AFG3L2: variants seen among roughly 807,000 people sequenced by gnomAD.
AFG3L2 encodes mitochondrial inner membrane m-AAA protease component AFG3L2.
A neutral mutation model predicts 94.5 loss-of-function variants in AFG3L2; 54 were observed. That is an observed-to-expected ratio of 0.57 (90% CI 0.46 to 0.72). The LOEUF (loss-of-function observed/expected upper bound fraction) is 0.72. Ranked by LOEUF, AFG3L2 falls within the 30% of genes least tolerant of loss-of-function variation. The pLI is 0.00. For missense variants in AFG3L2, 754 were observed against 994.9 expected (o/e 0.76, Z 3.26); for synonymous variants, 377 against 365.5 (o/e 1.03, Z -0.36).
intron 16 of AFG3L2, among the ~76,000 whole-genome samples, chr18:12,333,042 TCTATTATATAATAGATTATAATCTA>T (rs1907609110): frequency 2.3e-5 from 1 of 42,736 alleles, no homozygotes; most frequent in Non-Finnish European, 5.3e-5. Flanking sequence ...AAATATATAA[TCTATTATATAATAGATTATAATCTA>T]TTATATAACT....
intron 5 of AFG3L2, among the ~76,000 whole-genome samples, chr18:12,364,354 C>T (rs111892767): frequency 4.0e-4 from 61 of 152,256 alleles, no homozygotes; most frequent in African/African-American, 1.3e-3. Flanking sequence ...AATGCTGTTA[C>T]GAACATTCCC....
chr18:12,375,429 A>T (rs922316523), intron 1 of AFG3L2, among the ~76,000 whole-genome samples: 1 of 148,872 alleles, frequency 6.7e-6, no homozygotes, highest in Non-Finnish European at 1.5e-5. Context: ...AAAAAAAAAC[A>T]ATTTGTAGAG....
chr18:12,364,041 G>C (rs1475578186), intron 5 of AFG3L2, among the ~76,000 whole-genome samples, 185 bp from the exon 6 acceptor site: 1 of 152,004 alleles, frequency 6.6e-6, no homozygotes, highest in African/African-American at 2.4e-5. Flanking sequence ...CCTCCCAAAG[G>C]GGGCTATGCT....
At chr18:12,344,101 C>G in intron 14 of AFG3L2, 31 bp downstream of exon 14, 1 of 1,580,756 alleles carries the variant, frequency 6.3e-7, no homozygotes, top group Non-Finnish European at 8.7e-7. Flanking sequence ...CACCCATGCA[C>G]TGGCTGCCTA....
intron 1 of AFG3L2, among the ~76,000 whole-genome samples, chr18:12,373,950 T>G (rs1212549026): frequency 6.6e-6 from 1 of 152,064 alleles, no homozygotes; most frequent in East Asian, 1.9e-4. Flanking sequence ...GGGAACAAAT[T>G]TCAACATGAG....
At chr18:12,354,944 G>A (rs1243340697) in intron 9 of AFG3L2, among the ~76,000 whole-genome samples, 2 of 152,162 alleles carry the variant, frequency 1.3e-5, no homozygotes, top group African/African-American at 2.4e-5. Flanking sequence ...GCCGGACAAG[G>A]TGGCTCACGC....
intron 3 of AFG3L2, among the ~76,000 whole-genome samples, chr18:12,370,327 G>A (rs778084062): frequency 6.6e-6 from 1 of 152,080 alleles, no homozygotes; most frequent in Non-Finnish European, 1.5e-5. Flanking sequence ...TACCTCTAAG[G>A]TAGCCTTAAA....
intron 14 of AFG3L2, chr18:12,341,463 AG>A (rs1282477520): frequency 6.6e-6 from 1 of 152,200 alleles, no homozygotes; most frequent in African/African-American, 2.4e-5. Context: ...AGGCAACCAC[AG>A]ACATGCCTTC....
Position 12,344,229 on chromosome 18 carries a change from T to C in AFG3L2, c.1682A>G (p.Gln561Arg), listed in dbSNP as rs1359236372. Residue 561 changes from glutamine (Q) to arginine (R), a missense_variant, in exon 14 of 17, where the codon CAG (glutamine) becomes CGG (arginine). Physicochemically the swap from Gln to Arg is conservative, Grantham distance 43. This residue lies in a region of AFG3L2 where 279 missense variants were observed against 378.6 expected (regional missense o/e 0.74). Coordinates refer to ENST00000269143, the MANE Select transcript of AFG3L2 (RefSeq NM_006796.3). The stretch of plus-strand genomic sequence containing the variant: ...CTTCTTCTCCTCAGGCTGCAGAACC[T>C]GCGTTTTCTTCTCTAAGCCTAACAA... ...RVIGGLEKKT[Q>R]VLQPEEKKTV... 5.6e-6 allele frequency: 9 copies of C among 1,614,154 alleles called. No homozygotes were observed. Among genetic ancestry groups the C allele is most frequent in the Non-Finnish European group, 6.8e-6 (8 of 1,179,984 alleles).
chr18:12,367,310 T>A lies in AFG3L2; in HGVS notation c.365A>T (p.Lys122Ile), dbSNP rs915684170. The change falls in exon 4 of 17, where the codon AAA becomes ATA. Residue 122 changes from lysine to isoleucine, a missense_variant. Physicochemically the swap from Lys to Ile is moderately radical, Grantham distance 102. This residue lies in a region of AFG3L2 where 236 missense variants were observed against 214.0 expected (regional missense o/e 1.10). Transcript: ENST00000269143. ...GGGGGKRGGK[K>I]DDSHWWSRFQ... ...CCTGGACCACCAGTGAGAATCATCT[T>A]TCTTGCCACCTCGTTTTCCACCGCC... 2.7e-5 allele frequency: 44 copies of A among 1,614,116 alleles called. No homozygotes were observed. Among genetic ancestry groups the A allele is most frequent in the Non-Finnish European group, 3.5e-5 (41 of 1,180,060 alleles).
rs768153900 is a variant in AFG3L2 at position 12,337,376 on chromosome 18, C to T, written c.2140G>A (p.Ala714Thr). The T allele has an allele frequency of 1.2e-5, 19 of 1,614,064 alleles. No homozygotes were observed. The Middle Eastern group carries it at 4.9e-4, about 42-fold the overall frequency. Residue 714 changes from alanine to threonine, a missense_variant, in exon 16 of 17, where the codon GCT becomes ACT. Physicochemically the swap from Ala to Thr is moderately conservative, Grantham distance 58. This residue lies in a region of AFG3L2 where 279 missense variants were observed against 378.6 expected (regional missense o/e 0.74). Transcript: ENST00000269143. ...LINDAYKRTV[A>T]LLTEKKADVE... ...TCAGCTTTCTTTTCTGTGAGAAGAG[C>T]TACTGTTCTTTTATAAGCATCATTA...
intron 9 of AFG3L2, among the ~76,000 whole-genome samples, chr18:12,355,228 T>C (rs1045891319): frequency 5.4e-5 from 8 of 147,922 alleles, no homozygotes; most frequent in African/African-American, 2.0e-4. Flanking sequence ...AAAAAAGAAC[T>C]CTTACAATTC....
chr18:12,334,544 C>T (rs1907682973), intron 16 of AFG3L2, among the ~76,000 whole-genome samples: 1 of 152,174 alleles, frequency 6.6e-6, no homozygotes, highest in African/African-American at 2.4e-5. Context: ...GTGTTGAGAC[C>T]AAACCGTTTA....
At chr18:12,351,463 G>T in intron 10 of AFG3L2, 50 bp from the exon 11 acceptor site, 1 of 1,497,084 alleles carries the variant, frequency 6.7e-7, no homozygotes, top group Non-Finnish European at 9.3e-7. Flanking sequence ...GAGGCAGAAA[G>T]CAACAGTGCA....
At position 12,337,482 on chromosome 18, in the gene AFG3L2, T is replaced by G; in HGVS notation, c.2034A>C (p.Pro678=). 1 of 1,614,268 alleles carries G rather than the reference T, an allele frequency of 6.2e-7. No homozygotes were observed. Among genetic ancestry groups the G allele is most frequent in the Non-Finnish European group, 8.5e-7 (1 of 1,180,034 alleles). Residue 678 remains proline (P), a synonymous_variant, in exon 16 of 17, where the codon CCA becomes CCC. Transcript: ENST00000269143. ...EKVGQISFDL[P]RQGDMVLEKP... is the part of the protein sequence containing the mutation. ...TCTCCAATACCATGTCCCCCTGACG[T>G]GGGAGGTCAAAGGAGATTTGCCCAA... is the stretch of plus-strand genomic sequence containing the variant.
intron 1 of AFG3L2, among the ~76,000 whole-genome samples, chr18:12,372,006 A>T (rs1460248871): frequency 6.6e-6 from 1 of 152,204 alleles, no homozygotes; most frequent in Non-Finnish European, 1.5e-5. Context: ...AATTTGTAGC[A>T]TTCAAAAGAC....
chr18:12,329,451 G>A lies in AFG3L2; in HGVS notation c.*114C>T. On this transcript the variant is annotated 3_prime_UTR_variant, in exon 17 of 17. Transcript: ENST00000269143. Reference sequence around the variant, plus strand: ...CTCCTTTCCCCATCATTTCAGCTGGGCCAGTGGCTGGCTAAAATCAGCGCA... The same window carrying A: ...CTCCTTTCCCCATCATTTCAGCTGGACCAGTGGCTGGCTAAAATCAGCGCA... 1 of 1,110,864 alleles carries A rather than the reference G, an allele frequency of 9.0e-7. No individual in the cohort carries two copies. Among genetic ancestry groups the A allele is most frequent in the South Asian group, 1.2e-5 (1 of 80,086 alleles). 68.8% of individuals were successfully genotyped at this position (1,110,864 alleles called of 1,614,324 possible). A position where few individuals can be genotyped will look rare whatever the true frequency, so the allele number is the denominator to read the frequency against.
intron 8 of AFG3L2, among the ~76,000 whole-genome samples, chr18:12,358,158 G>C (rs1908550930): frequency 6.6e-6 from 1 of 152,162 alleles, no homozygotes; most frequent in South Asian, 2.1e-4. Context: ...CTAGCCCTAG[G>C]GGCACCAAGC....
chr18:12,341,282 T>C (rs1907945424), intron 14 of AFG3L2: 3 of 152,222 alleles, frequency 2.0e-5, no homozygotes, highest in Non-Finnish European at 4.4e-5. Flanking sequence ...AAAAATTCAG[T>C]TTATTGAGAG....
Sources: gnomAD v4.1 joint callset for allele counts (sites outside exome capture counted in the v4.1 genomes callset) on GRCh38, gnomAD v4.1.1 for gene constraint, gnomAD v4.1.1 regional missense constraint, MANE v1.5 for transcripts, NCBI Gene and HGNC (gene_info 2026-07-23, HGNC 2026-07-21) for gene names.